Variants in A2M observed in about 807,000 individuals in gnomAD.
A2M encodes alpha-2-macroglobulin, also known as C3 and PZP-like alpha-2-macroglobulin domain-containing protein 5.
Under a neutral mutation model 183.9 loss-of-function variants are expected in A2M, and 128 were observed. That is an observed-to-expected ratio of 0.70 (90% CI 0.60 to 0.81). The LOEUF (loss-of-function observed/expected upper bound fraction) is 0.81. Among genes scored for constraint, A2M ranks in the 30% least tolerant of loss-of-function variants. The probability of loss-of-function intolerance (pLI) is 0.00; values close to 1 mark genes in which losing one functional copy is unlikely to be tolerated. For missense variants in A2M, 1,495 were observed against 1,787.6 expected (o/e 0.84, Z 2.95); for synonymous variants, 592 against 670.8 (o/e 0.88, Z 1.81).
At chr12:9,097,790 G>A (rs544515317) in intron 15 of A2M, among the ~76,000 whole-genome samples, 3 of 151,974 alleles carry the variant, frequency 2.0e-5, no homozygotes, top group South Asian at 2.1e-4. Flanking sequence ...CCGCCACCAC[G>A]TCTGACTAAT....
intron 1 of A2M, 94 bp from the exon 2 acceptor site, chr12:9,113,637 G>A: frequency 8.2e-7 from 1 of 1,226,356 alleles, no homozygotes. Flanking sequence ...ATCATCATCA[G>A]TTCTACACCA....
chr12:9,070,870 G>C (rs1362278202), intron 31 of A2M, among the ~76,000 whole-genome samples: 1 of 151,498 alleles, frequency 6.6e-6, no homozygotes, highest in African/African-American at 2.4e-5. Flanking sequence ...GCCCAGGCTG[G>C]AGTGCAATGG....
chr12:9,077,047 G>A (rs972985226), intron 27 of A2M, 111 bp from the exon 28 acceptor site: 10 of 933,232 alleles, frequency 1.1e-5, no homozygotes, highest in Admixed American at 5.1e-5. Flanking sequence ...TTTTTCCAAC[G>A]ATTCCTCATT....
chr12:9,079,453 G>A lies in A2M; in HGVS notation c.3032-122C>T, dbSNP rs1948842191. ...CTTAAATTTTGTTGTCATAGATTAG[G>A]AGTTTCTGAGCCTTAAATATTTTAT... On this transcript the variant is annotated intron_variant, in intron 24 of 35. Coordinates refer to ENST00000318602, the MANE Select transcript of A2M (RefSeq NM_000014.6). 3.8e-5 allele frequency: 44 copies of A among 1,168,820 alleles called. No homozygotes were observed. In the South Asian group the frequency reaches 5.6e-4, roughly 15 times the overall value. The allele number at this position is 1,168,820 out of a possible 1,614,324, so 72.4% of individuals were successfully genotyped here. A position where few individuals can be genotyped will look rare whatever the true frequency, so the allele number is the denominator to read the frequency against.
At chr12:9,075,864 T>A (rs1948734604) in intron 28 of A2M, among the ~76,000 whole-genome samples, 1 of 152,228 alleles carries the variant, frequency 6.6e-6, no homozygotes, top group Non-Finnish European at 1.5e-5. Flanking sequence ...TTTCTTAATC[T>A]ATGAGAGAGT....
Position 9,068,243 on chromosome 12 carries a change from A to T in A2M, c.4367-19T>A. 1 of 1,602,796 alleles carries T rather than the reference A, an allele frequency of 6.2e-7. No homozygotes were observed. Among genetic ancestry groups the T allele is most frequent in the Admixed American group, 1.7e-5 (1 of 59,610 alleles). On this transcript the variant is annotated intron_variant, in intron 34 of 35. Transcript: ENST00000318602. ...AACTCATCTGAAAAAAAAAAAACCAACAAAAAACCAGAAATCATTACATGA... is the reference window on the plus strand; with the variant it reads ...AACTCATCTGAAAAAAAAAAAACCATCAAAAAACCAGAAATCATTACATGA...
In A2M at chr12:9,098,561, C is replaced by T. The variant is rs771575689; in HGVS notation, c.1851+46G>A. ...TCCAGTCATTTTTCCTTGCTCTGAG[C>T]CCCTGGCACGGCCCTTCTTGATTCC... On this transcript the variant is annotated intron_variant, in intron 15 of 35. Transcript: ENST00000318602. 55 of 1,555,540 alleles carry T rather than the reference C, an allele frequency of 3.5e-5. No homozygotes were observed. In the East Asian group the frequency reaches 1.2e-3, roughly 35 times the overall value.
Position 9,115,899 on chromosome 12 carries a change from C to G in A2M, c.-50G>C, listed in dbSNP as rs748569399. On this transcript the variant is annotated 5_prime_UTR_variant, in exon 1 of 36. Coordinates refer to ENST00000318602, the MANE Select transcript of A2M (RefSeq NM_000014.6). ...AGAACAGACTGTATTGTACCCTACT[C>G]CCTACAATCCATCTGGTCCCAAACA... 3 of 1,463,758 alleles carry G rather than the reference C, an allele frequency of 2.0e-6. No homozygotes were observed. The highest frequency in any genetic ancestry group is 2.3e-5 in the South Asian group (2 of 87,814). The allele number at this position is 1,463,758 out of a possible 1,614,324, so 90.7% of individuals were successfully genotyped here. A position where few individuals can be genotyped will look rare whatever the true frequency, so the allele number is the denominator to read the frequency against.
rs11831793 is a variant in A2M, at chr12:9,091,457, A to T, written c.2241-28T>A. 4,836 of 1,611,334 alleles carry T rather than the reference A, an allele frequency of 3.0e-3. 130 individuals are homozygous for T. The African/African-American group carries it at 0.058, about 19-fold the overall frequency. ...GGAGAGGAGTGTAAGTGAAGAACAG[A>T]AAGTAAGCAGTTAAATACATCCTTT... On this transcript the variant is annotated intron_variant, in intron 18 of 35. Transcript: ENST00000318602.
chr12:9,068,113 T>C (rs982029994), intron 35 of A2M, 70 bp downstream of exon 35: 34 of 1,521,320 alleles, frequency 2.2e-5, no homozygotes, highest in Middle Eastern at 3.5e-4. Flanking sequence ...CAGCGTTTTA[T>C]GAAGGAGAAG....
intron 22 of A2M, among the ~76,000 whole-genome samples, chr12:9,083,260 G>A (rs1332790537): frequency 6.6e-6 from 1 of 152,090 alleles, no homozygotes; most frequent in Non-Finnish European, 1.5e-5. Flanking sequence ...GGATGGGGGA[G>A]GGATAGCATT....
chr12:9,108,321 T>C (rs1229834807), intron 7 of A2M, among the ~76,000 whole-genome samples: 1 of 152,036 alleles, frequency 6.6e-6, no homozygotes, highest in Non-Finnish European at 1.5e-5. Flanking sequence ...AGAGACGGGG[T>C]TTCACCATGT....
At chr12:9,072,325 C>T (rs1364459066) in intron 31 of A2M, 34 bp downstream of exon 31, 3 of 1,608,226 alleles carry the variant, frequency 1.9e-6, no homozygotes, top group Non-Finnish European at 2.5e-6. Context: ...GGTGGTTATT[C>T]TTAGGATTAG....
rs776480417 is a variant in A2M, at chr12:9,109,455, G to T, written c.674-50C>A. ...TGGTGATTGGTTTTCAACTTTGGGG[G>T]AATTCCTATTTTCAGGTTCCCTGTA... On this transcript the variant is annotated intron_variant, in intron 6 of 35. Transcript: ENST00000318602. 3 of 1,436,068 alleles carry T rather than the reference G, an allele frequency of 2.1e-6. No homozygotes were observed. In the East Asian group the frequency reaches 6.9e-5, roughly 33 times the overall value. The allele number at this position is 1,436,068 out of a possible 1,614,324, so 89.0% of individuals were successfully genotyped here.
chr12:9,098,462 A>G lies in A2M; in HGVS notation c.1851+145T>C. 5 of 708,542 alleles carry G rather than the reference A, an allele frequency of 7.1e-6. No individual in the cohort carries two copies. In the South Asian group the frequency reaches 1.8e-4, roughly 26 times the overall value. The allele number at this position is 708,542 out of a possible 1,614,324, so 43.9% of individuals were successfully genotyped here. On this transcript the variant is annotated intron_variant, in intron 15 of 35. Transcript: ENST00000318602. ...TATATATATATATAATTCCTTACCA[A>G]TGAAAGCCCACAAGAGAGCTCAAAG...
chr12:9,068,096 AT>A, intron 35 of A2M, 86 bp downstream of exon 35: 2 of 1,451,438 alleles, frequency 1.4e-6, no homozygotes, highest in Non-Finnish European at 9.5e-7. Flanking sequence ...TTTGACAAAT[AT>A]TTACCCAGCG....
intron 31 of A2M, among the ~76,000 whole-genome samples, chr12:9,071,431 A>T (rs374710199): frequency 8.1e-4 from 122 of 151,526 alleles, no homozygotes; most frequent in African/African-American, 2.8e-3. Flanking sequence ...AAATGAAAAA[A>T]ATATATATAT....
Position 9,090,026 on chromosome 12 carries a change from GA to G in A2M, c.2597-4del, listed in dbSNP as rs761812812. ...GCTCACAGTGAAATTCACATTTCCTGAAAAAAAAGGCCAGTAGAAATGAATA... is the reference window on the plus strand; with the variant it reads ...GCTCACAGTGAAATTCACATTTCCTGAAAAAAAGGCCAGTAGAAATGAATA... On this transcript the variant is annotated splice_polypyrimidine_tract_variant and splice_region_variant and intron_variant, in intron 20 of 35. Transcript: ENST00000318602. 58 of 1,576,014 alleles carry G rather than the reference GA, an allele frequency of 3.7e-5. No homozygotes were observed. Among genetic ancestry groups the G allele is most frequent in the South Asian group, 1.0e-4 (9 of 86,370 alleles).
chr12:9,112,150 A>G lies in A2M; in HGVS notation c.483+9T>C, dbSNP rs769969586. The stretch of plus-strand genomic sequence containing the variant: ...GACAATCATTTTATGTAGATAATAG[A>G]AAACTCACCAACTCATTCAGGGGGT... On this transcript the variant is annotated intron_variant, in intron 4 of 35. Transcript: ENST00000318602. 30 of 1,613,452 alleles carry G rather than the reference A, an allele frequency of 1.9e-5. No homozygotes were observed. The highest frequency in any genetic ancestry group is 2.5e-5 in the Non-Finnish European group (30 of 1,179,560).
Sources: gnomAD v4.1 joint callset for allele counts (sites outside exome capture counted in the v4.1 genomes callset) on GRCh38, gnomAD v4.1.1 for gene constraint, MANE v1.5 for transcripts, NCBI Gene and HGNC (gene_info 2026-07-23, HGNC 2026-07-21) for gene names.